Variants in IDE observed in about 807,000 individuals in gnomAD.
IDE encodes the protein insulin degrading enzyme, also known as insulin-degrading enzyme.
IDE carries 58 observed loss-of-function variants against 133.2 expected under a neutral mutation model. That is an observed-to-expected ratio of 0.44 (90% CI 0.35 to 0.54). The LOEUF (loss-of-function observed/expected upper bound fraction) is 0.54. Among genes scored for constraint, IDE ranks in the 20% least tolerant of loss-of-function variants. IDE has a pLI of 0.00. For missense variants in IDE, 981 were observed against 1,234.0 expected (o/e 0.79, Z 3.07); for synonymous variants, 396 against 421.3 (o/e 0.94, Z 0.73).
At chr10:92,529,788 T>C (rs906796121) in intron 4 of IDE, among the ~76,000 whole-genome samples, 3 of 152,120 alleles carry the variant, frequency 2.0e-5, no homozygotes, top group Admixed American at 1.3e-4. Context: ...TTCTGGAAAA[T>C]GTGTAACTGC....
intron 11 of IDE, among the ~76,000 whole-genome samples, chr10:92,501,359 CA>C (rs1388494952): frequency 5.0e-4 from 25 of 50,374 alleles, no homozygotes; most frequent in African/African-American, 2.1e-3. Context: ...AAGACTCTGT[CA>C]TTAAAAAAAA....
chr10:92,520,821 T>C (rs920169295), intron 4 of IDE, among the ~76,000 whole-genome samples: 1 of 152,186 alleles, frequency 6.6e-6, no homozygotes, highest in African/African-American at 2.4e-5. Context: ...GTCCAGCTCT[T>C]GTTTTCAGTA....
At position 92,465,849 on chromosome 10, in the gene IDE, A is replaced by G. The variant is rs1011900990; in HGVS notation, c.2321-6T>C. 33 of 1,613,492 alleles carry G rather than the reference A, an allele frequency of 2.0e-5. No individual in the cohort carries two copies. The Admixed American group carries it at 3.2e-4, about 16-fold the overall frequency. On this transcript the variant is annotated splice_region_variant and splice_polypyrimidine_tract_variant and intron_variant, in intron 19 of 24. Transcript: ENST00000265986. Reference sequence around the variant, plus strand: ...CTGATAAACAAACCATCCTCCTAGGAAGTTTCAAAAAGACAGCAGCAAGTT... The same window carrying G: ...CTGATAAACAAACCATCCTCCTAGGGAGTTTCAAAAAGACAGCAGCAAGTT...
At chr10:92,506,600 T>G in intron 9 of IDE, 78 bp from the exon 10 acceptor site, 1 of 708,694 alleles carries the variant, frequency 1.4e-6, no homozygotes, top group Non-Finnish European at 2.4e-6. Flanking sequence ...AGTGTTTGGC[T>G]TGCACTATAA....
chr10:92,487,108 T>C (rs558608688), intron 13 of IDE, 88 bp downstream of exon 13: 78 of 1,310,406 alleles, frequency 6.0e-5, no homozygotes, highest in Middle Eastern at 1.9e-4. Context: ...CAAATCAACA[T>C]AGTACCAAAT....
chr10:92,465,576 C>T, intron 20 of IDE, 100 bp downstream of exon 20: 2 of 986,712 alleles, frequency 2.0e-6, no homozygotes, highest in South Asian at 3.1e-5. Context: ...GTAGACCATG[C>T]CTGATATACA....
At chr10:92,535,896 C>T (rs564370280) in intron 2 of IDE, among the ~76,000 whole-genome samples, 52 of 151,962 alleles carry the variant, frequency 3.4e-4, no homozygotes, top group African/African-American at 1.2e-3. Flanking sequence ...ATTAGCTGGG[C>T]GTGGTGGCGG....
chr10:92,547,453 T>C (rs1274903705), intron 1 of IDE, among the ~76,000 whole-genome samples: 3 of 152,104 alleles, frequency 2.0e-5, no homozygotes, highest in Non-Finnish European at 1.5e-5. Flanking sequence ...TCTCTCAAGA[T>C]AGCCTTCTAA....
At chr10:92,552,976 G>A (rs974111327) in intron 1 of IDE, among the ~76,000 whole-genome samples, 1 of 151,612 alleles carries the variant, frequency 6.6e-6, no homozygotes, top group African/African-American at 2.4e-5. Context: ...TAAAAAAGAT[G>A]GGGCTTATTC....
rs946904065 is a variant in IDE, at chr10:92,552,349, T to C, written c.99-14799A>G. On this transcript the variant is annotated intron_variant, in intron 1 of 24. Transcript: ENST00000265986. ...TGTTCTCATTGTTGGAAAAAGATGT[T>C]ATAAATAAGAAATGGGAGAAGGCTA... Among the ~76,000 whole-genome samples the C allele has an allele frequency of 2.0e-5, 3 of 152,200 alleles. No individual in the cohort carries two copies. The South Asian group carries it at 6.2e-4, about 32-fold the overall frequency.
chr10:92,455,682 G>A, intron 23 of IDE, 39 bp from the exon 24 acceptor site: 3 of 1,107,236 alleles, frequency 2.7e-6, no homozygotes, highest in Admixed American at 2.1e-5. Context: ...TGTACTTATT[G>A]ATACTATCAC....
At chr10:92,529,290 C>CT (rs985333134) in intron 4 of IDE, among the ~76,000 whole-genome samples, 1 of 152,122 alleles carries the variant, frequency 6.6e-6, no homozygotes, top group African/African-American at 2.4e-5. Flanking sequence ...TCAAATGTAC[C>CT]TGTGACCTTA....
intron 5 of IDE, among the ~76,000 whole-genome samples, chr10:92,514,614 T>A (rs1224206841): frequency 6.6e-6 from 1 of 152,152 alleles, no homozygotes; most frequent in East Asian, 1.9e-4. Flanking sequence ...TAAAAAAATT[T>A]TTTTTGGTAG....
chr10:92,453,358 ATAACT>A lies in IDE; in HGVS notation c.*1081_*1085del, dbSNP rs548048322. On this transcript the variant is annotated 3_prime_UTR_variant, in exon 25 of 25. Coordinates refer to ENST00000265986, the MANE Select transcript of IDE (RefSeq NM_004969.4). ...ATGTTTATATTTATATATTCAAAAA[ATAACT>A]TAACATTTAAGGCAAGATTAGACTG... The A allele has an allele frequency of 3.2e-4, 49 of 152,364 alleles. No homozygotes were observed. The highest frequency in any genetic ancestry group is 5.2e-4 in the Admixed American group (8 of 15,304). The allele number at this position is 152,364 out of a possible 1,614,324, so 9.4% of individuals were successfully genotyped here.
rs745330969 is a variant in IDE at position 92,465,764 on chromosome 10, T to C, written c.2400A>G (p.Gln800=). ...GIEIYYQTDM[Q]STSENMFLEL... ...CCAGAAACATATTCTCTGAGGTGCT[T>C]TGCATGTCTGTTTGGTAGTATATCT... Residue 800 remains glutamine (Q), a synonymous_variant, in exon 20 of 25, where the codon CAA becomes CAG. Coordinates refer to ENST00000265986, the MANE Select transcript of IDE (RefSeq NM_004969.4). 3.7e-6 allele frequency: 6 copies of C among 1,613,934 alleles called. No individual in the cohort carries two copies. Among genetic ancestry groups the C allele is most frequent in the Non-Finnish European group, 5.1e-6 (6 of 1,179,814 alleles).
intron 22 of IDE, among the ~76,000 whole-genome samples, chr10:92,458,498 T>G (rs1034620264): frequency 9.9e-4 from 81 of 81,846 alleles, no homozygotes; most frequent in Non-Finnish European, 1.7e-3. Context: ...CTGTTTTTTT[T>G]TTTTTTTTTT....
chr10:92,458,717 G>C (rs568661325), intron 22 of IDE, among the ~76,000 whole-genome samples: 1 of 151,986 alleles, frequency 6.6e-6, no homozygotes, highest in South Asian at 2.1e-4. Flanking sequence ...GGTCAGGCTG[G>C]TCTCGAACTC....
In IDE at chr10:92,556,028, C is replaced by T. The variant is rs543667621; in HGVS notation, c.98+17894G>A. Among the ~76,000 whole-genome samples the T allele has an allele frequency of 2.6e-5, 4 of 151,440 alleles. No homozygotes were observed. The South Asian group carries it at 6.3e-4, about 24-fold the overall frequency. ...CTCTACTAAAAATACAAAAAATTAG[C>T]GGGGCGCGGTGGCGGGCGCCTGTAG... is the stretch of plus-strand genomic sequence containing the variant. On this transcript the variant is annotated intron_variant, in intron 1 of 24. Coordinates refer to ENST00000265986, the MANE Select transcript of IDE (RefSeq NM_004969.4).
intron 6 of IDE, 90 bp from the exon 7 acceptor site, chr10:92,508,980 A>T: frequency 9.4e-7 from 1 of 1,059,424 alleles, no homozygotes; most frequent in South Asian, 1.5e-5. Context: ...TCATGGGAGA[A>T]TCCCAAATTT....
Sources: gnomAD v4.1 joint callset for allele counts (sites outside exome capture counted in the v4.1 genomes callset) on GRCh38, gnomAD v4.1.1 for gene constraint, MANE v1.5 for transcripts, NCBI Gene and HGNC (gene_info 2026-07-23, HGNC 2026-07-21) for gene names.